The following IMPA2 variants were observed in gnomAD, a reference collection of about 807,000 sequenced individuals.
IMPA2 encodes the protein IMP 2.
A neutral mutation model predicts 35.1 loss-of-function variants in IMPA2; 32 were observed. The observed-to-expected ratio is 0.91, with a 90% confidence interval of 0.69 to 1.23. The LOEUF (loss-of-function observed/expected upper bound fraction) is 1.23. IMPA2 is among the 50% of genes most tolerant of loss of function. The pLI, the probability that IMPA2 is intolerant of heterozygous loss-of-function variation, is 0.00. For missense variants in IMPA2, 334 were observed against 387.6 expected (o/e 0.86, Z 1.16); for synonymous variants, 135 against 160.6 (o/e 0.84, Z 1.20).
intron 6 of IMPA2, 39 bp from the exon 7 acceptor site, chr18:12,028,803 C>T (rs1907955586): frequency 6.3e-7 from 1 of 1,598,840 alleles, no homozygotes; most frequent in Non-Finnish European, 8.5e-7. Flanking sequence ...GAAAAGGCTC[C>T]ACTCCCGCCT....
At chr18:12,002,763 C>CAAA (rs57245640) in intron 2 of IMPA2, among the ~76,000 whole-genome samples, 4 of 137,658 alleles carry the variant, frequency 2.9e-5, no homozygotes, top group Admixed American at 7.4e-5. Flanking sequence ...GACCTTGTCT[C>CAAA]AAAAAAAAAA....
intron 5 of IMPA2, 100 bp from the exon 6 acceptor site, chr18:12,027,943 T>C (rs199715022): frequency 1.4e-3 from 460 of 336,352 alleles, no homozygotes; most frequent in Non-Finnish European, 2.1e-3. Flanking sequence ...CGAAAGATGA[T>C]CCTTACTCTG....
Position 11,981,738 on chromosome 18 carries a change from C to A in IMPA2, c.69C>A (p.Ala23=), listed in dbSNP as rs556684782. 4 of 1,229,322 alleles carry A rather than the reference C, an allele frequency of 3.3e-6. No homozygotes were observed. Among genetic ancestry groups the A allele is most frequent in the Non-Finnish European group, 4.1e-6 (4 of 986,276 alleles). The allele number at this position is 1,229,322 out of a possible 1,614,324, so 76.2% of individuals were successfully genotyped here. ...AGPWEECFQA[A]VQLALRAGQI... is the part of the protein sequence containing the mutation. ...CCTGGGAGGAGTGCTTCCAGGCGGCCGTGCAGCTGGCGCTGCGGGCAGGAC... is the reference window on the plus strand; with the variant it reads ...CCTGGGAGGAGTGCTTCCAGGCGGCAGTGCAGCTGGCGCTGCGGGCAGGAC... Residue 23 remains alanine (A), a synonymous_variant, in exon 1 of 8, where the codon GCC becomes GCA. Coordinates refer to ENST00000269159, the MANE Select transcript of IMPA2 (RefSeq NM_014214.3).
At position 12,010,647 on chromosome 18, in the gene IMPA2, G is replaced by T. The variant is rs3786284; in HGVS notation, c.335+660G>T. 1.3e-5 allele frequency among the ~76,000 whole-genome samples: 2 copies of T among 152,050 alleles called. No homozygotes were observed. The highest frequency in any genetic ancestry group is 4.8e-5 in the African/African-American group (2 of 41,400). On this transcript the variant is annotated intron_variant, in intron 3 of 7. Transcript: ENST00000269159. The surrounding 1 kb of genome is among the most constrained non-coding windows in gnomAD (Gnocchi z 4.8). Reference sequence around the variant, plus strand: ...GAGCATGATGTGGCTTAAACGGAGCGTGGTTCTCCAGCTCTGGAGAACCCT... The same window carrying T: ...GAGCATGATGTGGCTTAAACGGAGCTTGGTTCTCCAGCTCTGGAGAACCCT...
chr18:11,996,429 G>C (rs1016664508), intron 1 of IMPA2, among the ~76,000 whole-genome samples: 5 of 152,166 alleles, frequency 3.3e-5, no homozygotes, highest in African/African-American at 1.2e-4. Flanking sequence ...AAGTGTGGAC[G>C]AGTGGAATAC....
chr18:12,013,646 CT>C (rs1199916879), intron 4 of IMPA2, among the ~76,000 whole-genome samples: 1 of 152,228 alleles, frequency 6.6e-6, no homozygotes, highest in Non-Finnish European at 1.5e-5. Flanking sequence ...CGGCCGTGGG[CT>C]GCCGTCCTTT....
chr18:12,029,508 G>T (rs535961616), intron 7 of IMPA2, among the ~76,000 whole-genome samples: 1 of 151,164 alleles, frequency 6.6e-6, no homozygotes, highest in African/African-American at 2.4e-5. Context: ...TGCAACCTCC[G>T]CCTTCCAGGT....
intron 1 of IMPA2, among the ~76,000 whole-genome samples, chr18:11,996,774 C>G (rs944444030): frequency 2.6e-5 from 4 of 152,142 alleles, no homozygotes; most frequent in African/African-American, 9.7e-5. Context: ...GCCATATCCT[C>G]TCTGGGGCTG....
chr18:11,983,224 G>T (rs1245174406), intron 1 of IMPA2, among the ~76,000 whole-genome samples: 3 of 152,190 alleles, frequency 2.0e-5, no homozygotes, highest in Non-Finnish European at 4.4e-5. Context: ...GATGAAGCTT[G>T]TAGCTTCAGT....
intron 4 of IMPA2, 26 bp from the exon 5 acceptor site, chr18:12,014,239 T>G: frequency 6.5e-7 from 1 of 1,541,422 alleles, no homozygotes; most frequent in Non-Finnish European, 9.0e-7. Flanking sequence ...CATCTTTGTT[T>G]TCTGTCCTGC....
rs1906801294 is a variant in IMPA2 at position 11,991,152 on chromosome 18, AG to A, written c.97-7901del. The stretch of plus-strand genomic sequence containing the variant: ...CAGAATGGTGGGGAGATAGGAGGAA[AG>A]CCACGAGGGGAGGCAGGGGCCACAG... On this transcript the variant is annotated intron_variant, in intron 1 of 7. Coordinates refer to ENST00000269159, the MANE Select transcript of IMPA2 (RefSeq NM_014214.3). The surrounding 1 kb of genome is among the most constrained non-coding windows in gnomAD (Gnocchi z 4.1). 6.6e-6 allele frequency among the ~76,000 whole-genome samples: 1 copy of A among 152,180 alleles called. No individual in the cohort carries two copies. Among genetic ancestry groups the A allele is most frequent in the South Asian group, 2.1e-4 (1 of 4,834 alleles).
chr18:12,015,830 A>G (rs1283363926), intron 5 of IMPA2, among the ~76,000 whole-genome samples: 1 of 152,230 alleles, frequency 6.6e-6, no homozygotes, highest in African/African-American at 2.4e-5. Context: ...GCTACTAAGC[A>G]TGCTCGGGTG....
intron 1 of IMPA2, among the ~76,000 whole-genome samples, chr18:11,992,654 CTG>C (rs1346134277): frequency 6.6e-6 from 1 of 152,180 alleles, no homozygotes; most frequent in African/African-American, 2.4e-5. Context: ...CCAGGGGGGT[CTG>C]TGAAGTGCAT....
chr18:12,028,482 A>T (rs1411604563), intron 6 of IMPA2: 1 of 430,632 alleles, frequency 2.3e-6, no homozygotes, highest in Non-Finnish European at 4.2e-6. Flanking sequence ...AGCCCAGTGA[A>T]TCCTCTTTGT....
At position 12,030,769 on chromosome 18, in the gene IMPA2, C is replaced by T. The variant is rs564143903; in HGVS notation, c.*311C>T. ...TGATAATCCAATCTTGATTTTTCCC[C>T]CCAGAATATAAATCTCAGGTAATAA... On this transcript the variant is annotated 3_prime_UTR_variant, in exon 8 of 8. Coordinates refer to ENST00000269159, the MANE Select transcript of IMPA2 (RefSeq NM_014214.3). 4.9e-4 allele frequency: 155 copies of T among 314,212 alleles called. 3 individuals carry two copies. In the South Asian group the frequency reaches 6.5e-3, roughly 13 times the overall value. 19.5% of individuals were successfully genotyped at this position (314,212 alleles called of 1,614,324 possible).
Position 12,030,397 on chromosome 18 carries a change from T to C in IMPA2, c.806T>C (p.Met269Thr). ...CRVVAASTRE[M>T]AMLIAQALQT... The stretch of plus-strand genomic sequence containing the variant: ...GTGGTTGCGGCCAGCACCCGGGAGA[T>C]GGCGATGCTCATAGCTCAGGCCTTA... Residue 269 changes from methionine (M) to threonine (T), a missense_variant, in exon 8 of 8, where the codon ATG becomes ACG. Physicochemically the swap from Met to Thr is moderately conservative, Grantham distance 81. Coordinates refer to ENST00000269159, the MANE Select transcript of IMPA2 (RefSeq NM_014214.3). 1.2e-6 allele frequency: 2 copies of C among 1,614,242 alleles called. No homozygotes were observed. The highest frequency in any genetic ancestry group is 1.7e-6 in the Non-Finnish European group (2 of 1,180,040).
chr18:12,012,290 T>G (rs776808655), intron 4 of IMPA2, 75 bp downstream of exon 4: 4 of 1,257,896 alleles, frequency 3.2e-6, no homozygotes, highest in Non-Finnish European at 4.6e-6. Context: ...GGCTTCAGCC[T>G]CTGTGCGCCT....
intron 7 of IMPA2, 111 bp downstream of exon 7, chr18:12,029,104 TTCTG>T (rs1907969323): frequency 3.7e-6 from 3 of 815,046 alleles, no homozygotes; most frequent in South Asian, 2.2e-5. Context: ...TCCCCAGAGT[TTCTG>T]TTTTTTTTTT....
Position 12,028,168 on chromosome 18 carries a change from G to C in IMPA2, c.599+17G>C, listed in dbSNP as rs79929333. On this transcript the variant is annotated intron_variant, in intron 6 of 7. Transcript: ENST00000269159. ...GGCGCATGGGTAGGAGGTTCAGTTC[G>C]GGGAACACCCTGCAGCCCGAGGAGG... 2.0e-6 allele frequency: 3 copies of C among 1,508,466 alleles called. No individual in the cohort carries two copies. In the South Asian group the frequency reaches 3.4e-5, roughly 17 times the overall value. The allele number at this position is 1,508,466 out of a possible 1,614,324, so 93.4% of individuals were successfully genotyped here. A position where few individuals can be genotyped will look rare whatever the true frequency, so the allele number is the denominator to read the frequency against.
Sources: gnomAD v4.1 joint callset for allele counts (sites outside exome capture counted in the v4.1 genomes callset) on GRCh38, gnomAD v4.1.1 for gene constraint, Gnocchi (gnomAD v3.1) non-coding constraint, MANE v1.5 for transcripts, NCBI Gene and HGNC (gene_info 2026-07-23, HGNC 2026-07-21) for gene names.